PRMT3: variants seen among roughly 807,000 people sequenced by gnomAD.
PRMT3 encodes the protein protein arginine N-methyltransferase 3.
A neutral mutation model predicts 71.9 loss-of-function variants in PRMT3; 62 were observed. The observed-to-expected ratio is 0.86, with a 90% CI of 0.70 to 1.07. The LOEUF (loss-of-function observed/expected upper bound fraction) is 1.07. PRMT3 is among the 50% of genes least tolerant of loss of function. The pLI is 0.00. For missense variants in PRMT3, 663 were observed against 643.0 expected (o/e 1.03, Z -0.34); for synonymous variants, 213 against 220.4 (o/e 0.97, Z 0.30).
chr11:20,430,278 T>C (rs1388129770), intron 10 of PRMT3, among the ~76,000 whole-genome samples: 1 of 152,190 alleles, frequency 6.6e-6, no homozygotes, highest in Non-Finnish European at 1.5e-5. Context: ...CCCTCCAGAA[T>C]TGGGCACAGA....
intron 13 of PRMT3, among the ~76,000 whole-genome samples, chr11:20,475,298 C>T (rs1350740134): frequency 4.6e-5 from 7 of 152,034 alleles, no homozygotes; most frequent in South Asian, 4.2e-4. Context: ...TCTACAGTGC[C>T]GCTCCCAGTT....
At chr11:20,460,555 T>G (rs1183634939) in intron 11 of PRMT3, among the ~76,000 whole-genome samples, 1 of 152,210 alleles carries the variant, frequency 6.6e-6, no homozygotes, top group Non-Finnish European at 1.5e-5. Context: ...CTAGGTCTCA[T>G]GAACTCCCTT....
chr11:20,482,723 G>A (rs1478720967), intron 13 of PRMT3, among the ~76,000 whole-genome samples: 3 of 151,972 alleles, frequency 2.0e-5, no homozygotes, highest in Non-Finnish European at 1.5e-5. Flanking sequence ...ATGAATATTG[G>A]CATTAAGATC....
chr11:20,402,967 C>T lies in PRMT3; in HGVS notation c.754C>T (p.His252Tyr). The change falls in exon 8 of 16, where the codon CAT becomes TAT. Residue 252 changes from histidine to tyrosine, a missense_variant. Coordinates refer to ENST00000331079, the MANE Select transcript of PRMT3 (RefSeq NM_005788.4). ...CCGAGATTTCATATACCAAAATCCA[C>T]ATATCTTCAAAGACAAGGTAAGTAG... ...SYRDFIYQNPHIFKDKVVLDV... is the reference protein window; with the variant it reads ...SYRDFIYQNPYIFKDKVVLDV... 3 of 1,603,280 alleles carry T rather than the reference C, an allele frequency of 1.9e-6. No homozygotes were observed. The highest frequency in any genetic ancestry group is 2.6e-6 in the Non-Finnish European group (3 of 1,170,328).
At chr11:20,473,032 A>G (rs1850688495) in intron 13 of PRMT3, among the ~76,000 whole-genome samples, 1 of 152,008 alleles carries the variant, frequency 6.6e-6, no homozygotes, top group African/African-American at 2.4e-5. Context: ...GTTTATATAC[A>G]GGTTTTTATA....
intron 13 of PRMT3, among the ~76,000 whole-genome samples, chr11:20,483,823 T>C (rs1238497104): frequency 6.6e-6 from 1 of 152,190 alleles, no homozygotes. Flanking sequence ...TCTTTAAGGT[T>C]TTTACTTTAA....
intron 9 of PRMT3, among the ~76,000 whole-genome samples, chr11:20,409,973 CT>C (rs539183643): frequency 3.5e-4 from 53 of 152,164 alleles, no homozygotes; most frequent in Middle Eastern, 3.4e-3. Context: ...GCTATTTCTA[CT>C]AGAATTTCTA....
At position 20,398,235 on chromosome 11, in the gene PRMT3, G is replaced by A. The variant is rs190040629; in HGVS notation, c.705+514G>A. Among the ~76,000 whole-genome samples, 26 of 152,160 alleles carry A rather than the reference G, an allele frequency of 1.7e-4. No homozygotes were observed. The East Asian group carries it at 5.0e-3, about 29-fold the overall frequency. On this transcript the variant is annotated intron_variant, in intron 7 of 15. Transcript: ENST00000331079. ...ATGATTAATTTCAGTGTTTTAAATA[G>A]CCATACTGACTTTTGTTTGGGCCAA...
chr11:20,502,715 A>ACTT (rs1391963519), intron 15 of PRMT3, among the ~76,000 whole-genome samples: 30 of 152,194 alleles, frequency 2.0e-4, no homozygotes, highest in African/African-American at 6.8e-4. Context: ...ATTGAATAGG[A>ACTT]CTTCTATAAA....
chr11:20,484,231 G>A (rs1851016454), intron 13 of PRMT3, among the ~76,000 whole-genome samples: 1 of 152,174 alleles, frequency 6.6e-6, no homozygotes, highest in South Asian at 2.1e-4. Flanking sequence ...AGTGAACAAA[G>A]ACATTGAACA....
intron 13 of PRMT3, among the ~76,000 whole-genome samples, chr11:20,478,318 C>T (rs74612081): frequency 0.038 from 5,783 of 151,566 alleles, 333 homozygotes; most frequent in African/African-American, 0.13. Flanking sequence ...TAAATCTGGG[C>T]CTACATATTT....
At chr11:20,432,973 T>G (rs1364474638) in intron 10 of PRMT3, among the ~76,000 whole-genome samples, 10 of 152,190 alleles carry the variant, frequency 6.6e-5, no homozygotes, top group Admixed American at 5.9e-4. Context: ...TTTGCAAATA[T>G]TTTCTCCCAT....
rs146881403 is a variant in PRMT3 at position 20,461,720 on chromosome 11, T to G, written c.1073-260T>G. Among the ~76,000 whole-genome samples, 552 of 152,304 alleles carry G rather than the reference T, an allele frequency of 3.6e-3. 4 individuals are homozygous for G. The highest frequency in any genetic ancestry group is 6.3e-3 in the Non-Finnish European group (430 of 68,022). Reference sequence around the variant, plus strand: ...ATAAATATGTTTATTTCAGAATTGTTTAATTATATAACCCTATTTTAATTC... The same window carrying G: ...ATAAATATGTTTATTTCAGAATTGTGTAATTATATAACCCTATTTTAATTC... On this transcript the variant is annotated intron_variant, in intron 11 of 15. Coordinates refer to ENST00000331079, the MANE Select transcript of PRMT3 (RefSeq NM_005788.4).
chr11:20,501,846 C>T (rs1426997225), intron 15 of PRMT3, among the ~76,000 whole-genome samples: 1 of 151,992 alleles, frequency 6.6e-6, no homozygotes, highest in Non-Finnish European at 1.5e-5. Context: ...TGTGATTTGG[C>T]TTTGAAAATA....
intron 13 of PRMT3, among the ~76,000 whole-genome samples, chr11:20,484,650 A>G (rs983922525): frequency 2.6e-5 from 4 of 152,182 alleles, no homozygotes; most frequent in African/African-American, 9.7e-5. Context: ...AGACTTCCCC[A>G]GCCACGTGGA....
At chr11:20,475,961 C>A (rs777383335) in intron 13 of PRMT3, among the ~76,000 whole-genome samples, 3 of 151,838 alleles carry the variant, frequency 2.0e-5, no homozygotes, top group Non-Finnish European at 2.9e-5. Flanking sequence ...CAGGCATGAG[C>A]CACCGCCTTT....
chr11:20,449,043 C>G (rs1029103931), intron 10 of PRMT3, among the ~76,000 whole-genome samples: 9 of 151,972 alleles, frequency 5.9e-5, no homozygotes, highest in African/African-American at 2.2e-4. Flanking sequence ...AGGACAATTC[C>G]CAGGAATTTA....
chr11:20,507,434 A>G (rs972044475), intron 15 of PRMT3, among the ~76,000 whole-genome samples: 2 of 145,550 alleles, frequency 1.4e-5, no homozygotes, highest in Non-Finnish European at 3.0e-5. Context: ...TCACTTTCAC[A>G]AGGATTTGAC....
At chr11:20,464,413 TG>T in intron 12 of PRMT3, 46 bp from the exon 13 acceptor site, 5 of 1,529,204 alleles carry the variant, frequency 3.3e-6, no homozygotes, top group Admixed American at 2.3e-5. Flanking sequence ...TTTTTTTTTT[TG>T]GACTATTTTT....
Sources: allele counts gnomAD v4.1 joint callset (sites outside exome capture counted in the v4.1 genomes callset), GRCh38; gene constraint gnomAD v4.1.1; transcripts MANE v1.5; gene names NCBI Gene and HGNC (gene_info 2026-07-23, HGNC 2026-07-21).